RGS5: variants seen among roughly 807,000 people sequenced by gnomAD.
RGS5 encodes the protein regulator of G protein signaling 5.
A neutral mutation model predicts 18.9 loss-of-function variants in RGS5; 20 were observed. That is an observed-to-expected ratio of 1.06 (90% CI 0.74 to 1.54). RGS5 has a LOEUF of 1.54. Ranked by LOEUF, RGS5 falls within the 40% of genes most tolerant of loss-of-function variation. The pLI is 0.00. For synonymous variants in RGS5, 57 were observed against 76.2 expected (o/e 0.75, Z 1.31); for missense variants, 201 against 211.8 (o/e 0.95, Z 0.32).
intron 1 of RGS5, among the ~76,000 whole-genome samples, chr1:163,313,501 TAG>T (rs1315741808): frequency 2.0e-5 from 3 of 151,984 alleles, no homozygotes; most frequent in Admixed American, 6.6e-5. Flanking sequence ...AGGAATAAAA[TAG>T]AGTCAGGAAT....
intron 2 of RGS5, among the ~76,000 whole-genome samples, chr1:163,301,026 T>C (rs1649538149): frequency 6.6e-6 from 1 of 152,166 alleles, no homozygotes; most frequent in South Asian, 2.1e-4. Flanking sequence ...CTATTTTAGA[T>C]ACTCAGCAAT....
At chr1:163,172,846 A>G (rs1658367091) in intron 1 of RGS5, among the ~76,000 whole-genome samples, 1 of 152,206 alleles carries the variant, frequency 6.6e-6, no homozygotes, top group Non-Finnish European at 1.5e-5. Flanking sequence ...CACTTTAAAC[A>G]TTGCACTCTT....
chr1:163,235,418 A>T (rs549241683), intron 2 of RGS5, among the ~76,000 whole-genome samples: 1 of 152,326 alleles, frequency 6.6e-6, no homozygotes, highest in African/African-American at 2.4e-5. Context: ...AGGACAAGAA[A>T]ATCATGGAAT....
At chr1:163,165,823 T>C (rs762557152) in intron 2 of RGS5, among the ~76,000 whole-genome samples, 8 of 152,052 alleles carry the variant, frequency 5.3e-5, no homozygotes, top group Non-Finnish European at 1.0e-4. Context: ...GGAGAATCGC[T>C]TGAACCCGGG....
chr1:163,284,428 C>T (rs986375802), intron 2 of RGS5, among the ~76,000 whole-genome samples: 1 of 152,146 alleles, frequency 6.6e-6, no homozygotes, highest in African/African-American at 2.4e-5. Flanking sequence ...TTTGTTGTTT[C>T]AGTTTCACAG....
At chr1:163,238,617 C>G (rs1192576682) in intron 2 of RGS5, 2 of 222,504 alleles carry the variant, frequency 9.0e-6, no homozygotes, top group East Asian at 1.2e-4. Context: ...GCAGAAAATG[C>G]AAAACGCTTG....
At chr1:163,209,139 G>T (rs566402369) in intron 1 of RGS5, among the ~76,000 whole-genome samples, 1 of 152,146 alleles carries the variant, frequency 6.6e-6, no homozygotes, top group East Asian at 1.9e-4. Flanking sequence ...AACCAAAAAG[G>T]CCCTTCCTCC....
chr1:163,260,120 G>A (rs1186697840), intron 2 of RGS5: 2 of 152,116 alleles, frequency 1.3e-5, no homozygotes, highest in African/African-American at 4.8e-5. Flanking sequence ...CAGATTCAAA[G>A]CCTATGCTTT....
At chr1:163,162,331 T>C (rs900477332) in intron 2 of RGS5, among the ~76,000 whole-genome samples, 1 of 152,188 alleles carries the variant, frequency 6.6e-6, no homozygotes, top group Non-Finnish European at 1.5e-5. Flanking sequence ...TGAAATCCAG[T>C]TGTCCCATTA....
intron 2 of RGS5, among the ~76,000 whole-genome samples, chr1:163,292,675 C>T (rs1044161156): frequency 6.6e-6 from 1 of 152,172 alleles, no homozygotes; most frequent in African/African-American, 2.4e-5. Context: ...ACCTCACCAA[C>T]ATCTGCTGTT....
intron 2 of RGS5, among the ~76,000 whole-genome samples, chr1:163,305,955 A>T (rs1649685945): frequency 6.6e-6 from 1 of 152,142 alleles, no homozygotes; most frequent in Non-Finnish European, 1.5e-5. Flanking sequence ...GGAGTCTATA[A>T]CACAGATTAT....
intron 1 of RGS5, among the ~76,000 whole-genome samples, chr1:163,168,769 C>T (rs1658169098): frequency 6.6e-6 from 1 of 152,112 alleles, no homozygotes; most frequent in African/African-American, 2.4e-5. Context: ...CTAGAGTTCC[C>T]AGGTAGAACT....
At chr1:163,181,232 C>T (rs1658831914) in intron 1 of RGS5, among the ~76,000 whole-genome samples, 1 of 152,094 alleles carries the variant, frequency 6.6e-6, no homozygotes, top group South Asian at 2.1e-4. Context: ...CAGCTGCTAA[C>T]CTTATTTCCC....
rs1557877643 is a variant in RGS5 at position 163,147,345 on chromosome 1, C to T, written c.543G>A (p.Lys181=). The change falls in exon 5 of 5, where the codon AAG becomes AAA. Residue 181 remains lysine, a synonymous_variant. Coordinates refer to ENST00000313961, the MANE Select transcript of RGS5 (RefSeq NM_003617.4). ...VRSEFYQELI[K] ...ATTTCATAGCCTGGCTAAATTACTA[C>T]TTGATTAACTCCTGATAAAACTCAG... 3.1e-6 allele frequency: 5 copies of T among 1,589,766 alleles called. No homozygotes were observed. In the South Asian group the frequency reaches 4.6e-5, roughly 15 times the overall value.
chr1:163,204,354 C>T (rs1039251232), upstream of RGS5, among the ~76,000 whole-genome samples: 2 of 151,260 alleles, frequency 1.3e-5, no homozygotes, highest in South Asian at 2.1e-4. Context: ...CAGACACACA[C>T]GTTTTTGAGA....
chr1:163,232,343 G>A (rs1647504359), intron 2 of RGS5, among the ~76,000 whole-genome samples: 1 of 152,134 alleles, frequency 6.6e-6, no homozygotes, highest in Non-Finnish European at 1.5e-5. Context: ...TGTGCCTTCT[G>A]AAGCAAATAA....
At chr1:163,206,231 C>T (rs998986306), upstream of RGS5, among the ~76,000 whole-genome samples, 1 of 152,278 alleles carries the variant, frequency 6.6e-6, no homozygotes, top group East Asian at 1.9e-4. Flanking sequence ...CCTGCTGGCA[C>T]CTTGATCTTG....
chr1:163,186,258 A>G (rs2102421757), intron 1 of RGS5, among the ~76,000 whole-genome samples: 1 of 151,888 alleles, frequency 6.6e-6, no homozygotes, highest in Non-Finnish European at 1.5e-5. Context: ...TTTAGTAGAG[A>G]CGGGGTTTCA....
At chr1:163,153,248 G>A (rs1419112547) in intron 3 of RGS5, among the ~76,000 whole-genome samples, 2 of 152,090 alleles carry the variant, frequency 1.3e-5, no homozygotes, top group Non-Finnish European at 1.5e-5. Context: ...AAGTCACCAC[G>A]ATAAGTAAAA....
Sources: gnomAD v4.1 joint callset for allele counts (sites outside exome capture counted in the v4.1 genomes callset) on GRCh38, gnomAD v4.1.1 for gene constraint, MANE v1.5 for transcripts, NCBI Gene and HGNC (gene_info 2026-07-23, HGNC 2026-07-21) for gene names.